The following GMNN variants were observed in gnomAD, a reference collection of about 807,000 sequenced individuals.
The protein encoded by GMNN is geminin.
A neutral mutation model predicts 20.9 loss-of-function variants in GMNN; 14 were observed. The ratio of observed to expected loss-of-function variants is 0.67; its 90% CI spans 0.44 to 1.05. GMNN has a LOEUF of 1.05. GMNN is among the 50% of genes least tolerant of loss of function. GMNN has a pLI of 0.00. For missense variants in GMNN, 227 were observed against 243.8 expected (o/e 0.93, Z 0.46); for synonymous variants, 81 against 85.8 (o/e 0.94, Z 0.31).
chr6:24,782,631 A>G (rs2113580902), intron 4 of GMNN, among the ~76,000 whole-genome samples: 1 of 152,354 alleles, frequency 6.6e-6, no homozygotes, highest in Admixed American at 6.5e-5. Flanking sequence ...ATTGAAGAGC[A>G]GGATTTGTGA....
At chr6:24,784,765 T>G (rs1398074995) in intron 6 of GMNN, among the ~76,000 whole-genome samples, 1 of 152,116 alleles carries the variant, frequency 6.6e-6, no homozygotes, top group East Asian at 1.9e-4. Context: ...ATGAGAGTAA[T>G]GATGCCTACC....
chr6:24,785,557 A>G (rs1272902373), intron 6 of GMNN, 81 bp from the exon 7 acceptor site: 16 of 655,204 alleles, frequency 2.4e-5, no homozygotes, highest in Admixed American at 1.2e-4. Flanking sequence ...TCAGTATGCT[A>G]TACGGGTCAG....
chr6:24,780,705 T>G lies in GMNN; in HGVS notation c.94T>G (p.Ser32Ala), dbSNP rs1463459874. ...AAGAACTCTGAAGATGATTCAGCCT[T>G]CTGCATCTGGATCTCTTGTTGGAAG... is the stretch of plus-strand genomic sequence containing the variant. ...PRRTLKMIQP[S>A]ASGSLVGREN... The change falls in exon 3 of 7, where the codon TCT becomes GCT. Residue 32 changes from serine (S) to alanine (A), a missense_variant. Transcript: ENST00000230056. The G allele has an allele frequency of 6.3e-7, 1 of 1,598,584 alleles. No individual in the cohort carries two copies.
chr6:24,777,384 C>T, intron 2 of GMNN, 87 bp downstream of exon 2: 1 of 527,610 alleles, frequency 1.9e-6, no homozygotes, highest in East Asian at 3.3e-5. Context: ...TTTAGCCTGG[C>T]TATAATTTCT....
Position 24,784,480 on chromosome 6 carries a change from G to A in GMNN, c.394G>A (p.Ala132Thr), listed in dbSNP as rs1780297672. 1 of 1,583,418 alleles carries A rather than the reference G, an allele frequency of 6.3e-7. No homozygotes were observed. Among genetic ancestry groups the A allele is most frequent in the Non-Finnish European group, 8.7e-7 (1 of 1,152,272 alleles). Residue 132 changes from alanine (A) to threonine (T), a missense_variant, in exon 6 of 7, where the codon GCC becomes ACC. Ala to Thr is a moderately conservative substitution (Grantham distance 58). Coordinates refer to ENST00000230056, the MANE Select transcript of GMNN (RefSeq NM_015895.5). ...AATTGAACAAAAGGACAATGAAATT[G>A]CCCGCCTGAAAAAGGAGAATAAAGA... ...KEIEQKDNEI[A>T]RLKKENKELA... is the part of the protein sequence containing the mutation.
intron 4 of GMNN, among the ~76,000 whole-genome samples, chr6:24,783,029 G>C (rs1780258335): frequency 6.6e-6 from 1 of 152,106 alleles, no homozygotes; most frequent in South Asian, 2.1e-4. Context: ...TCCAGTTCTT[G>C]GTTTATAAAC....
chr6:24,784,531 C>T lies in GMNN; in HGVS notation c.445C>T (p.Gln149Ter). Residue 149 changes from glutamine to a stop codon, truncating the protein, a stop_gained, in exon 6 of 7, where the codon CAG becomes TAG. Coordinates refer to ENST00000230056, the MANE Select transcript of GMNN (RefSeq NM_015895.5). LOFTEE classifies it low-confidence loss of function (END_TRUNC). ...ACTGGCAGAAGTAGCAGAACATGTA[C>T]AGTATATGGCAGAGCTAATAGAGGT... The part of the protein sequence containing the change: ...KELAEVAEHV[Q>*]YMAELIERLN... 3 of 1,465,402 alleles carry T rather than the reference C, an allele frequency of 2.0e-6. No individual in the cohort carries two copies. Among genetic ancestry groups the T allele is most frequent in the South Asian group, 1.2e-5 (1 of 86,538 alleles). The allele number at this position is 1,465,402 out of a possible 1,614,324, so 90.8% of individuals were successfully genotyped here. A position where few individuals can be genotyped will look rare whatever the true frequency, so the allele number is the denominator to read the frequency against.
intron 2 of GMNN, among the ~76,000 whole-genome samples, chr6:24,780,252 T>C (rs1780173727): frequency 6.6e-6 from 1 of 152,204 alleles, no homozygotes; most frequent in Non-Finnish European, 1.5e-5. Context: ...CCTTCTTGTA[T>C]TAGAATTTTG....
intron 4 of GMNN, 115 bp downstream of exon 4, chr6:24,781,736 C>A: frequency 2.1e-6 from 1 of 473,988 alleles, no homozygotes; most frequent in Non-Finnish European, 3.8e-6. Context: ...TATAACAGCA[C>A]TATAAATGTT....
Position 24,784,467 on chromosome 6 carries a change from G to A in GMNN, c.381G>A (p.Lys127=), listed in dbSNP as rs2113584398. The A allele has an allele frequency of 6.4e-7, 1 of 1,556,642 alleles. No homozygotes were observed. Among genetic ancestry groups the A allele is most frequent in the African/African-American group, 1.4e-5 (1 of 73,912 alleles). Residue 127 remains lysine (K), a synonymous_variant, in exon 6 of 7, where the codon AAG becomes AAA. Transcript: ENST00000230056. ...AGCTTCATAAAGAAATTGAACAAAA[G>A]GACAATGAAATTGCCCGCCTGAAAA... The part of the protein sequence containing the change: ...NEKLHKEIEQ[K]DNEIARLKKE...
At chr6:24,781,317 A>G (rs1035931991) in intron 3 of GMNN, among the ~76,000 whole-genome samples, 160 bp from the exon 4 acceptor site, 2 of 152,146 alleles carry the variant, frequency 1.3e-5, no homozygotes, top group Non-Finnish European at 2.9e-5. Flanking sequence ...ATGTTACTAT[A>G]TGTTTTGGTA....
chr6:24,781,689 A>G (rs1230938516), intron 4 of GMNN, 68 bp downstream of exon 4: 1 of 681,104 alleles, frequency 1.5e-6, no homozygotes. Context: ...TGTTAATACT[A>G]TTATGAATTC....
In GMNN at chr6:24,784,138, C is replaced by T. The variant is rs757212388; in HGVS notation, c.326C>T (p.Ala109Val). Residue 109 changes from alanine to valine, a missense_variant, in exon 5 of 7, where the codon GCG becomes GTG. Transcript: ENST00000230056. ...GAAGTGGCAGAAAAACGGAGAAAGGCGCTGTATGAAGCACTTAAGGAAAAT... is the reference window on the plus strand; with the variant it reads ...GAAGTGGCAGAAAAACGGAGAAAGGTGCTGTATGAAGCACTTAAGGAAAAT... ...WKEVAEKRRK[A>V]LYEALKENEK... is the part of the protein sequence containing the mutation. The T allele has an allele frequency of 9.1e-6, 14 of 1,531,414 alleles. No individual in the cohort carries two copies. The highest frequency in any genetic ancestry group is 2.7e-5 in the African/African-American group (2 of 73,368). The allele number at this position is 1,531,414 out of a possible 1,614,324, so 94.9% of individuals were successfully genotyped here.
At chr6:24,776,559 T>G (rs1438802114) in intron 1 of GMNN, among the ~76,000 whole-genome samples, 1 of 152,158 alleles carries the variant, frequency 6.6e-6, no homozygotes, top group Non-Finnish European at 1.5e-5. Flanking sequence ...ATTAGGGACA[T>G]CTATCGACGA....
At chr6:24,776,474 T>G (rs1486899591) in intron 1 of GMNN, among the ~76,000 whole-genome samples, 1 of 152,202 alleles carries the variant, frequency 6.6e-6, no homozygotes, top group Non-Finnish European at 1.5e-5. Flanking sequence ...CACATGTGTG[T>G]GCACGCGCCA....
intron 4 of GMNN, among the ~76,000 whole-genome samples, chr6:24,783,315 G>A (rs1222582177): frequency 6.6e-6 from 1 of 152,008 alleles, no homozygotes; most frequent in African/African-American, 2.4e-5. Flanking sequence ...TTTAAATTGG[G>A]GTAGGAAAAG....
chr6:24,785,618 AT>A lies in GMNN; in HGVS notation c.469-18del. The A allele has an allele frequency of 2.4e-6, 3 of 1,276,226 alleles. No individual in the cohort carries two copies. 79.1% of individuals were successfully genotyped at this position (1,276,226 alleles called of 1,614,324 possible). A position where few individuals can be genotyped will look rare whatever the true frequency, so the allele number is the denominator to read the frequency against. On this transcript the variant is annotated intron_variant, in intron 6 of 6. Transcript: ENST00000230056. Reference sequence around the variant, plus strand: ...GGTTTTAACATTTTTACAATAAATTATTGGTTTATTCTTTAAAAGAGACTGA... The same window carrying A: ...GGTTTTAACATTTTTACAATAAATTATGGTTTATTCTTTAAAAGAGACTGA...
At chr6:24,785,537 C>T (rs975300938) in intron 6 of GMNN, 101 bp from the exon 7 acceptor site, 6 of 529,306 alleles carry the variant, frequency 1.1e-5, no homozygotes, top group Non-Finnish European at 1.6e-5. Flanking sequence ...AAAAAAATCT[C>T]ATAGCTATAT....
chr6:24,784,053 G>C (rs763153135), intron 4 of GMNN, 34 bp from the exon 5 acceptor site: 2 of 993,552 alleles, frequency 2.0e-6, no homozygotes, highest in African/African-American at 3.3e-5. Flanking sequence ...TGACAGTAAT[G>C]ATTTTTAAAG....
Sources: allele counts gnomAD v4.1 joint callset (sites outside exome capture counted in the v4.1 genomes callset), GRCh38; gene constraint gnomAD v4.1.1; transcripts MANE v1.5; gene names NCBI Gene and HGNC (gene_info 2026-07-23, HGNC 2026-07-21).